Variants in FRMD8 observed in about 807,000 individuals in gnomAD.
FRMD8 encodes the protein FERM domain containing 8, also known as FERM domain-containing protein 8.
In FRMD8, 37 loss-of-function variants were observed where a neutral mutation model predicts 54.2. That is an observed-to-expected ratio of 0.68 (90% confidence interval 0.53 to 0.90). The LOEUF is 0.90. Ranked by LOEUF, FRMD8 falls within the 40% of genes least tolerant of loss-of-function variation. The probability of loss-of-function intolerance (pLI) is 0.00; values close to 1 mark genes in which losing one functional copy is unlikely to be tolerated. For synonymous variants in FRMD8, 246 were observed against 286.9 expected, an observed-to-expected ratio of 0.86 and a Z score of 1.44; for missense variants, 585 against 653.7, an observed-to-expected ratio of 0.89 and a Z score of 1.15.
chr11:65,399,734 A>G lies in FRMD8; in HGVS notation c.804-2A>G, dbSNP rs1438452424. 1 of 1,613,746 alleles carries G rather than the reference A, an allele frequency of 6.2e-7. No homozygotes were observed. The highest frequency in any genetic ancestry group is 8.5e-7 in the Non-Finnish European group (1 of 1,179,858). ...GGAGGCTGACCCCAGTCCCCTCCCCAGGTGTGCCTTCTTCCACGGTGAGGT... is the reference window on the plus strand; with the variant it reads ...GGAGGCTGACCCCAGTCCCCTCCCCGGGTGTGCCTTCTTCCACGGTGAGGT... On this transcript the variant is annotated splice_acceptor_variant, in intron 7 of 10. Transcript: ENST00000317568. LOFTEE classifies it high-confidence loss of function.
chr11:65,379,746 G>C, the FRMD8 span: 1 of 1,385,820 alleles, frequency 7.2e-7, no homozygotes, highest in Non-Finnish European at 1.0e-6. Context: ...GGCCCCCCAA[G>C]GATCCCAGAC....
chr11:65,390,218 A>G (rs1855816208), intron 3 of FRMD8, among the ~76,000 whole-genome samples: 1 of 151,864 alleles, frequency 6.6e-6, no homozygotes, highest in South Asian at 2.1e-4. Flanking sequence ...AGATGGAGGG[A>G]CTTAAGGGCG....
intron 4 of FRMD8, 169 bp from the exon 5 acceptor site, chr11:65,393,872 G>A (rs978419763): frequency 1.2e-6 from 1 of 800,636 alleles, no homozygotes. Flanking sequence ...GGATGGGCTG[G>A]GAGCCACCGG....
In FRMD8 at chr11:65,394,364, C is replaced by CTGG. The variant is rs772539638; in HGVS notation, c.523_525dup (p.Val175dup). ...GGAGGACTGCGAGGCTCTGGGCGCC[C>CTGG]TGGTGTGCCGCGTGCAGCTTGGGCC... On this transcript the variant is annotated inframe_insertion, in exon 6 of 11. Transcript: ENST00000317568. 6.3e-7 allele frequency: 1 copy of CTGG among 1,577,438 alleles called. No homozygotes were observed. The highest frequency in any genetic ancestry group is 1.8e-5 in the Admixed American group (1 of 54,288).
chr11:65,384,500 T>C (rs1164893678), upstream of FRMD8, among the ~76,000 whole-genome samples: 1 of 152,054 alleles, frequency 6.6e-6, no homozygotes, highest in East Asian at 1.9e-4. Flanking sequence ...CACCTCTTAG[T>C]GAGTTCTAAG....
intron 9 of FRMD8, among the ~76,000 whole-genome samples, chr11:65,402,911 G>T (rs898617615): frequency 4.1e-5 from 6 of 146,824 alleles, no homozygotes; most frequent in Admixed American, 2.7e-4. Context: ...AATTGTTTTT[G>T]TTTTTTTTGA....
chr11:65,392,881 G>A (rs886803922), intron 3 of FRMD8, among the ~76,000 whole-genome samples: 7 of 152,200 alleles, frequency 4.6e-5, no homozygotes, highest in South Asian at 2.1e-4. Flanking sequence ...AGCCAGCCAC[G>A]GGAGGATCTG....
At chr11:65,376,231 T>C in the FRMD8 span, 41 of 222,722 alleles carry the variant, frequency 1.8e-4, no homozygotes, top group Middle Eastern at 8.5e-4. Flanking sequence ...ACAGGCCCCC[T>C]GGCTTCCGGC....
At chr11:65,368,293 C>G in the FRMD8 span, among the ~76,000 whole-genome samples, 1 of 151,980 alleles carries the variant, frequency 6.6e-6, no homozygotes, top group Non-Finnish European at 1.5e-5. Context: ...CCGGGCTGGT[C>G]TCAAACTCCT....
chr11:65,394,154 C>T, intron 5 of FRMD8, 55 bp downstream of exon 5: 2 of 1,606,562 alleles, frequency 1.2e-6, no homozygotes, highest in Non-Finnish European at 1.7e-6. Context: ...GCCCAGCCTC[C>T]CTGTCCCTAG....
At chr11:65,386,792 T>G (rs918226451) in intron 1 of FRMD8, 31 bp downstream of exon 1, 6 of 541,416 alleles carry the variant, frequency 1.1e-5, no homozygotes, top group Non-Finnish European at 1.9e-5. Flanking sequence ...GGCCCGGGCC[T>G]CCGTCCCCGG....
upstream of FRMD8, chr11:65,382,009 C>T (rs944719238): frequency 6.2e-6 from 9 of 1,442,980 alleles, no homozygotes; most frequent in African/African-American, 1.1e-4. The surrounding 1 kb of genome is among the most constrained non-coding windows in gnomAD (Gnocchi z 4.4). Flanking sequence ...GAATTCCCCC[C>T]TCTCCCTCCC....
chr11:65,383,628 G>A (rs931858046), upstream of FRMD8: 2 of 151,874 alleles, frequency 1.3e-5, no homozygotes. Flanking sequence ...TGTGATGACG[G>A]GCGCCTGTAG....
At chr11:65,397,116 G>T in intron 7 of FRMD8, 96 bp downstream of exon 7, 2 of 669,016 alleles carry the variant, frequency 3.0e-6, no homozygotes, top group Non-Finnish European at 2.4e-6. Context: ...TGCTCCAGCT[G>T]AGCTGTGTCC....
At chr11:65,371,801 A>T in the FRMD8 span, among the ~76,000 whole-genome samples, 1 of 151,770 alleles carries the variant, frequency 6.6e-6, no homozygotes, top group Non-Finnish European at 1.5e-5. Context: ...TTTTTAGTAG[A>T]GACGGCGTTT....
At chr11:65,397,445 G>A (rs1319856634) in intron 7 of FRMD8, among the ~76,000 whole-genome samples, 1 of 152,244 alleles carries the variant, frequency 6.6e-6, no homozygotes, top group Non-Finnish European at 1.5e-5. Flanking sequence ...GAACACAGAG[G>A]TTGAGGAGAG....
intron 6 of FRMD8, among the ~76,000 whole-genome samples, chr11:65,395,264 C>T (rs997358812): frequency 5.9e-5 from 9 of 151,324 alleles, no homozygotes; most frequent in African/African-American, 9.7e-5. Flanking sequence ...AAAAAAATGC[C>T]GGGTGCGGTG....
Position 65,411,433 on chromosome 11 carries a change from C to T in FRMD8, c.*73C>T, listed in dbSNP as rs115568162. On this transcript the variant is annotated 3_prime_UTR_variant, in exon 11 of 11. Coordinates refer to ENST00000317568, the MANE Select transcript of FRMD8 (RefSeq NM_031904.5). ...CACTGTCCTCCTGAGGGGCAGGCGC[C>T]GGCTGCAACAGTCTCATGGGTCACC... The T allele has an allele frequency of 4.9e-4, 486 of 990,808 alleles. 3 individuals are homozygous for T. The African/African-American group carries it at 7.1e-3, about 14-fold the overall frequency. The allele number at this position is 990,808 out of a possible 1,614,324, so 61.4% of individuals were successfully genotyped here. A position where few individuals can be genotyped will look rare whatever the true frequency, so the allele number is the denominator to read the frequency against.
chr11:65,378,984 C>T, the FRMD8 span: 24 of 235,422 alleles, frequency 1.0e-4, no homozygotes, highest in South Asian at 2.9e-4. Context: ...CTCATCAGGA[C>T]CCGGCCAGAG....
Sources: gnomAD v4.1 joint callset for allele counts (sites outside exome capture counted in the v4.1 genomes callset) on GRCh38, gnomAD v4.1.1 for gene constraint, Gnocchi (gnomAD v3.1) non-coding constraint, MANE v1.5 for transcripts, NCBI Gene and HGNC (gene_info 2026-07-23, HGNC 2026-07-21) for gene names.